The following HOOK2 variants were observed in gnomAD, a reference collection of about 807,000 sequenced individuals.
The protein encoded by HOOK2 is protein Hook homolog 2.
HOOK2 carries 108 observed loss-of-function variants against 111.9 expected under a neutral mutation model. The observed-to-expected ratio is 0.96, with a 90% CI of 0.83 to 1.13. HOOK2 has a LOEUF of 1.13. Ranked by LOEUF, HOOK2 falls within the 50% of genes most tolerant of loss-of-function variation. HOOK2 has a pLI of 0.00. For synonymous variants in HOOK2, 405 were observed against 394.3 expected, an observed-to-expected ratio of 1.03 and a Z score of -0.32; for missense variants, 978 against 951.3, an observed-to-expected ratio of 1.03 and a Z score of -0.37.
At chr19:12,768,555 A>G (rs1173556750) in intron 11 of HOOK2, among the ~76,000 whole-genome samples, 1 of 152,224 alleles carries the variant, frequency 6.6e-6, no homozygotes, top group Non-Finnish European at 1.5e-5. Context: ...TTTTCTGAGC[A>G]TGTTTAAGGT....
At chr19:12,789,494 A>G (rs1968684941) in intron 3 of HOOK2, among the ~76,000 whole-genome samples, 1 of 152,142 alleles carries the variant, frequency 6.6e-6, no homozygotes, top group South Asian at 2.1e-4. Flanking sequence ...GGACCTGCAG[A>G]CTAAAACGAG....
chr19:12,773,277 T>C (rs1599501576), intron 3 of HOOK2: 1 of 494,598 alleles, frequency 2.0e-6, no homozygotes, highest in East Asian at 3.5e-5. Flanking sequence ...TAAGACAGGG[T>C]CTGGCTCTGT....
intron 14 of HOOK2, 58 bp from the exon 15 acceptor site, chr19:12,766,298 G>GGT: frequency 6.8e-7 from 1 of 1,471,636 alleles, no homozygotes; most frequent in Non-Finnish European, 9.0e-7. Context: ...AGGCTCGCTG[G>GGT]GGCTCAGGGA....
chr19:12,775,704 C>T, upstream of HOOK2: 1 of 367,168 alleles, frequency 2.7e-6, no homozygotes, highest in Non-Finnish European at 4.8e-6. Flanking sequence ...CCCGCCCTGC[C>T]GCTAGGGGTC....
chr19:12,789,644 A>T (rs1472624544), intron 3 of HOOK2, among the ~76,000 whole-genome samples: 1 of 151,606 alleles, frequency 6.6e-6, no homozygotes, highest in East Asian at 1.9e-4. Context: ...GGGCGCCTCG[A>T]GGCATCGGCC....
At position 12,766,238 on chromosome 19, in the gene HOOK2, T is replaced by C; in HGVS notation, c.1376A>G (p.Glu459Gly). The C allele has an allele frequency of 6.3e-7, 1 of 1,576,722 alleles. No individual in the cohort carries two copies. The highest frequency in any genetic ancestry group is 8.6e-7 in the Non-Finnish European group (1 of 1,168,194). ...AAEILPAELRETLLRLQLENK... is the reference protein window; with the variant it reads ...AAEILPAELRGTLLRLQLENK... ...CTCCAGCTGAAGCCGCAGGAGCGTC[T>C]CCCTGCAGACCCGGGAGGAGAGAGC... The change falls in exon 15 of 23, where the codon GAG (glutamate) becomes GGG (glycine). Residue 459 changes from glutamate to glycine, a missense_variant and splice_region_variant. Around this residue, in one of 5 missense-constraint regions of HOOK2, gnomAD observed 388 missense variants for 358.3 expected, o/e 1.08. Coordinates refer to ENST00000397668, the MANE Select transcript of HOOK2 (RefSeq NM_013312.3).
chr19:12,789,696 C>T (rs1968687422), intron 3 of HOOK2, among the ~76,000 whole-genome samples: 1 of 151,320 alleles, frequency 6.6e-6, no homozygotes, highest in South Asian at 2.1e-4. Context: ...GAAGTCCGAC[C>T]CAGGCCCGCG....
upstream of HOOK2, among the ~76,000 whole-genome samples, chr19:12,781,725 C>G (rs1333848422): frequency 6.6e-6 from 1 of 152,110 alleles, no homozygotes; most frequent in African/African-American, 2.4e-5. Flanking sequence ...CATGCGATGG[C>G]ATGACTATCT....
chr19:12,788,287 G>A (rs1393810135), intron 3 of HOOK2, among the ~76,000 whole-genome samples: 1 of 152,064 alleles, frequency 6.6e-6, no homozygotes, highest in Admixed American at 6.6e-5. Context: ...CTGTTACATG[G>A]GGATACAAAT....
At chr19:12,781,250 C>T (rs1968598385), upstream of HOOK2, among the ~76,000 whole-genome samples, 1 of 146,884 alleles carries the variant, frequency 6.8e-6, no homozygotes, top group African/African-American at 2.5e-5. Flanking sequence ...TTGCAGTGAG[C>T]CAAGATCATG....
At chr19:12,775,664 G>A (rs76211352), upstream of HOOK2, 31,335 of 395,608 alleles carry the variant, frequency 0.079, 1,685 homozygotes, top group Non-Finnish European at 0.093. Context: ...CTCCAGCCCC[G>A]CCATCTTGGA....
rs1367552075 is a variant in HOOK2 at position 12,768,004 on chromosome 19, C to T, written c.1215+9G>A. 1 of 1,613,560 alleles carries T rather than the reference C, an allele frequency of 6.2e-7. No homozygotes were observed. Among genetic ancestry groups the T allele is most frequent in the Non-Finnish European group, 8.5e-7 (1 of 1,179,468 alleles). ...GGGTGGGGCTTGGGCAGTGGAACCT[C>T]AGCCTCACCTCCTTCTCCTTTGTCA... On this transcript the variant is annotated intron_variant, in intron 12 of 22. Transcript: ENST00000397668.
At chr19:12,770,164 G>C (rs1599489252) in intron 10 of HOOK2, 82 bp from the exon 11 acceptor site, 2 of 1,259,794 alleles carry the variant, frequency 1.6e-6, no homozygotes, top group Non-Finnish European at 1.1e-6. Flanking sequence ...TTGGAGCACA[G>C]GGTGTTGTTC....
In HOOK2 at chr19:12,774,760, G is replaced by T. The variant is rs1668207667; in HGVS notation, c.132-19C>A. 1 of 1,613,312 alleles carries T rather than the reference G, an allele frequency of 6.2e-7. No homozygotes were observed. Among genetic ancestry groups the T allele is most frequent in the African/African-American group, 1.3e-5 (1 of 74,908 alleles). ...GGGGTCTCTGGGGGCGAGAAGGTGG[G>T]ATGAGCAGACTGGGGGACACTTTTG... On this transcript the variant is annotated intron_variant, in intron 2 of 22. Transcript: ENST00000397668.
upstream of HOOK2, among the ~76,000 whole-genome samples, chr19:12,783,030 C>G (rs1968622488): frequency 6.6e-6 from 1 of 152,094 alleles, no homozygotes; most frequent in Non-Finnish European, 1.5e-5. Context: ...GAGAAGGGGG[C>G]TGGGGTCAGC....
In HOOK2 at chr19:12,771,698, C is replaced by T. The variant is rs984108397; in HGVS notation, c.520-221G>A. ...AGGAGTTCCAGACCAGCCTGCCCAA[C>T]GTGGCGAACCCCTTCTCTACTAAAA... On this transcript the variant is annotated intron_variant, in intron 7 of 22. Coordinates refer to ENST00000397668, the MANE Select transcript of HOOK2 (RefSeq NM_013312.3). 1.8e-5 allele frequency: 10 copies of T among 553,498 alleles called. No individual in the cohort carries two copies. In the African/African-American group the frequency reaches 1.9e-4, roughly 10 times the overall value. The allele number at this position is 553,498 out of a possible 1,614,324, so 34.3% of individuals were successfully genotyped here.
intron 3 of HOOK2, among the ~76,000 whole-genome samples, chr19:12,787,778 C>T (rs1415904974): frequency 7.2e-5 from 11 of 151,960 alleles, no homozygotes; most frequent in South Asian, 6.2e-4. Flanking sequence ...AAAAAAGGGC[C>T]GGGCATGGTG....
intron 3 of HOOK2, among the ~76,000 whole-genome samples, chr19:12,783,748 C>A (rs1462415633): frequency 6.6e-6 from 1 of 152,164 alleles, no homozygotes; most frequent in African/African-American, 2.4e-5. Flanking sequence ...ATGGGAAACT[C>A]TGCATCCAGG....
At chr19:12,771,733 T>C in intron 7 of HOOK2, 2 of 488,924 alleles carry the variant, frequency 4.1e-6, no homozygotes, top group Non-Finnish European at 7.5e-6. Flanking sequence ...AACACAAAAA[T>C]TAGCCGGGTG....
Sources: allele counts gnomAD v4.1 joint callset (sites outside exome capture counted in the v4.1 genomes callset), GRCh38; gene constraint gnomAD v4.1.1; regional missense constraint gnomAD v4.1.1; transcripts MANE v1.5; gene names NCBI Gene and HGNC (gene_info 2026-07-23, HGNC 2026-07-21).